The following PPP1R42 variants were observed in gnomAD, a reference collection of about 807,000 sequenced individuals.
The protein encoded by PPP1R42 is leucine rich repeat containing 67.
In PPP1R42, 34 loss-of-function variants were observed where a neutral mutation model predicts 31.0. The observed-to-expected ratio is 1.10, with a 90% confidence interval of 0.83 to 1.46. The LOEUF is 1.46. Among genes scored for constraint, PPP1R42 ranks in the 40% most tolerant of loss-of-function variants. The probability of loss-of-function intolerance (pLI) is 0.00; values close to 1 mark genes in which losing one functional copy is unlikely to be tolerated. For missense variants in PPP1R42, 268 were observed against 303.0 expected, an observed-to-expected ratio of 0.88 and a Z score of 0.86; for synonymous variants, 103 against 109.8, an observed-to-expected ratio of 0.94 and a Z score of 0.39.
chr8:66,985,499 T>C, intron 6 of PPP1R42: 1 of 1,132,554 alleles, frequency 8.8e-7, no homozygotes, highest in Non-Finnish European at 1.3e-6. Flanking sequence ...AACTCCCCCT[T>C]TGGGGAAGCA....
At position 66,999,407 on chromosome 8, in the gene PPP1R42, G is replaced by T. The variant is rs187427128; in HGVS notation, c.553-10890C>A. On this transcript the variant is annotated intron_variant, in intron 5 of 7. Coordinates refer to ENST00000685739, the MANE Select transcript of PPP1R42 (RefSeq NM_001364910.1). ...AGCTAATTTTTTTATTTTTAGTAGAGACGGGGTTTCGCCACATTGGTCAGG... is the reference window on the plus strand; with the variant it reads ...AGCTAATTTTTTTATTTTTAGTAGATACGGGGTTTCGCCACATTGGTCAGG... Among the ~76,000 whole-genome samples, 988 of 152,302 alleles carry T rather than the reference G, an allele frequency of 6.5e-3. 7 individuals carry two copies. The highest frequency in any genetic ancestry group is 0.023 in the African/African-American group (948 of 41,568).
intron 2 of PPP1R42, 120 bp from the exon 3 acceptor site, chr8:67,014,712 A>T (rs1563431246): frequency 1.6e-6 from 1 of 608,866 alleles, no homozygotes; most frequent in Non-Finnish European, 2.7e-6. Flanking sequence ...ATAAAAGAAC[A>T]GTATTTCTCT....
chr8:67,000,414 T>G (rs1236230622), intron 5 of PPP1R42, among the ~76,000 whole-genome samples: 1 of 152,208 alleles, frequency 6.6e-6, no homozygotes, highest in African/African-American at 2.4e-5. Flanking sequence ...TTTCTAATTT[T>G]CTTTGTGATT....
intron 5 of PPP1R42, among the ~76,000 whole-genome samples, chr8:67,003,531 T>C (rs1292456673): frequency 6.6e-6 from 1 of 152,106 alleles, no homozygotes; most frequent in Non-Finnish European, 1.5e-5. Flanking sequence ...TGCTGCCTAT[T>C]GTCCAAGGTC....
At chr8:66,982,981 CT>C (rs1814888290) in intron 6 of PPP1R42, among the ~76,000 whole-genome samples, 1 of 151,064 alleles carries the variant, frequency 6.6e-6, no homozygotes, top group Admixed American at 6.6e-5. Context: ...TGGGATCTCA[CT>C]ATGTTGCCCA....
chr8:67,000,885 A>G (rs535305052), intron 5 of PPP1R42, among the ~76,000 whole-genome samples: 1 of 152,210 alleles, frequency 6.6e-6, no homozygotes, highest in Non-Finnish European at 1.5e-5. Context: ...CTATCAACCA[A>G]TGCAAGAGAA....
Position 66,964,333 on chromosome 8 carries a change from T to G in PPP1R42, c.804A>C (p.Arg268Ser), listed in dbSNP as rs1196190893. Residue 268 changes from arginine (R) to serine (S), a missense_variant and splice_region_variant, in exon 8 of 8, where the codon AGA (arginine) becomes AGC (serine). Coordinates refer to ENST00000685739, the MANE Select transcript of PPP1R42 (RefSeq NM_001364910.1). Reference protein sequence around the residue: ...KNEDASNSLIRISL With the variant: ...KNEDASNSLISISL The stretch of plus-strand genomic sequence containing the variant: ...CTTTCAGATTGCTTCAAAGAGAGAT[T>G]CCTGTATTTATAGAGAGGGAAAAAA... The G allele has an allele frequency of 7.9e-7, 1 of 1,261,790 alleles. No individual in the cohort carries two copies. 78.2% of individuals were successfully genotyped at this position (1,261,790 alleles called of 1,614,324 possible).
intron 2 of PPP1R42, among the ~76,000 whole-genome samples, chr8:67,016,829 A>G (rs1208836628): frequency 1.3e-5 from 2 of 152,250 alleles, no homozygotes; most frequent in African/African-American, 2.4e-5. Flanking sequence ...GCTGTACCCA[A>G]TATGTAGTCT....
At chr8:67,021,651 G>C (rs1816221239) in intron 1 of PPP1R42, among the ~76,000 whole-genome samples, 2 of 151,980 alleles carry the variant, frequency 1.3e-5, no homozygotes, top group South Asian at 4.1e-4. Context: ...AAATACATTT[G>C]AAACCCCTCT....
chr8:67,010,735 T>C lies in PPP1R42; in HGVS notation c.532A>G (p.Asn178Asp). 1 of 1,602,036 alleles carries C rather than the reference T, an allele frequency of 6.2e-7. No individual in the cohort carries two copies. The highest frequency in any genetic ancestry group is 8.5e-7 in the Non-Finnish European group (1 of 1,174,036). The change falls in exon 5 of 8, where the codon AAC becomes GAC. Residue 178 changes from asparagine to aspartate, a missense_variant. Transcript: ENST00000685739. ...ACTACCTTCACATGCAGAAGTTGGT[T>C]GTCAACGGCTATGAGCTGATTAAGA... ...ENLNQLIAVD[N>D]QLLHVKDLEF...
intron 6 of PPP1R42, among the ~76,000 whole-genome samples, chr8:66,986,427 G>A (rs138050360): frequency 9.7e-4 from 148 of 152,228 alleles, no homozygotes; most frequent in Middle Eastern, 6.8e-3. Flanking sequence ...GACGGAGGCC[G>A]AAAGTTAAAC....
At chr8:67,014,668 A>C in intron 2 of PPP1R42, 76 bp from the exon 3 acceptor site, 2 of 992,958 alleles carry the variant, frequency 2.0e-6, no homozygotes, top group Non-Finnish European at 3.0e-6. Flanking sequence ...AAAAATTTTC[A>C]GTTGATCATT....
chr8:66,970,822 A>G lies in PPP1R42; in HGVS notation c.803-6488T>C, dbSNP rs772689003. The G allele has an allele frequency of 1.5e-4, 99 of 680,142 alleles. No individual in the cohort carries two copies. The African/African-American group carries it at 1.6e-3, about 11-fold the overall frequency. 42.1% of individuals were successfully genotyped at this position (680,142 alleles called of 1,614,324 possible). On this transcript the variant is annotated intron_variant, in intron 7 of 7. Coordinates refer to ENST00000685739, the MANE Select transcript of PPP1R42 (RefSeq NM_001364910.1). ...TTCTGAGTGTTTGGGCAGACCAACA[A>G]TGAACTTTTTTTTTCTTTCTTTCTA...
chr8:66,988,966 A>G lies in PPP1R42; in HGVS notation c.553-449T>C, dbSNP rs557571452. ...TCATTTTTTAAGTGTTAAAAAAAAA[A>G]GACCAAAAAACAAACACCTACCAAA... On this transcript the variant is annotated intron_variant, in intron 5 of 7. Transcript: ENST00000685739. Among the ~76,000 whole-genome samples the G allele has an allele frequency of 2.6e-5, 4 of 152,236 alleles. No individual in the cohort carries two copies. The South Asian group carries it at 8.3e-4, about 32-fold the overall frequency.
chr8:66,965,784 G>A (rs913979253), intron 7 of PPP1R42, among the ~76,000 whole-genome samples: 3 of 152,038 alleles, frequency 2.0e-5, no homozygotes, highest in Non-Finnish European at 4.4e-5. Flanking sequence ...TTAGATGGGC[G>A]TGGTGGAACA....
At chr8:67,009,972 C>T (rs145508541) in intron 5 of PPP1R42, among the ~76,000 whole-genome samples, 2 of 152,174 alleles carry the variant, frequency 1.3e-5, no homozygotes, top group African/African-American at 4.8e-5. Context: ...CAGCTCATTC[C>T]GTTGCCAAAC....
At chr8:67,018,484 C>T (rs1433743378) in intron 1 of PPP1R42, among the ~76,000 whole-genome samples, 1 of 150,926 alleles carries the variant, frequency 6.6e-6, no homozygotes, top group Non-Finnish European at 1.5e-5. Flanking sequence ...TGGCTATTCA[C>T]AGGCATGTAG....
At chr8:66,984,290 G>T in intron 6 of PPP1R42, 2 of 1,362,660 alleles carry the variant, frequency 1.5e-6, no homozygotes, top group Non-Finnish European at 2.1e-6. Context: ...TCCCAGAATA[G>T]TACACATTTG....
intron 4 of PPP1R42, 96 bp downstream of exon 4, chr8:67,012,862 A>T (rs1282455114): frequency 3.5e-6 from 4 of 1,153,354 alleles, no homozygotes; most frequent in Non-Finnish European, 4.8e-6. Flanking sequence ...CATGAAGAGG[A>T]TGTACAATGT....
Sources: gnomAD v4.1 joint callset for allele counts (sites outside exome capture counted in the v4.1 genomes callset) on GRCh38, gnomAD v4.1.1 for gene constraint, MANE v1.5 for transcripts, NCBI Gene and HGNC (gene_info 2026-07-23, HGNC 2026-07-21) for gene names.